LIMCH1: variants seen among roughly 807,000 people sequenced by gnomAD.
LIMCH1 encodes the protein LIM and calponin homology domains 1.
LIMCH1 carries 113 observed loss-of-function variants against 176.5 expected under a neutral mutation model. That is an observed-to-expected ratio of 0.64 (90% CI 0.55 to 0.75). LIMCH1 has a LOEUF of 0.75. Ranked by LOEUF, LIMCH1 falls within the 30% of genes least tolerant of loss-of-function variation. LIMCH1 has a pLI of 0.00. For missense variants in LIMCH1, 1,674 were observed against 1,814.9 expected (o/e 0.92, Z 1.41); for synonymous variants, 619 against 645.9 (o/e 0.96, Z 0.63).
At chr4:41,666,745 A>T in intron 21 of LIMCH1, 79 bp downstream of exon 21, 2 of 942,536 alleles carry the variant, frequency 2.1e-6, no homozygotes, top group Non-Finnish European at 3.4e-6. Flanking sequence ...TTAAAGGAAG[A>T]TTACGTCCTT....
rs116817047 is a variant in LIMCH1, at chr4:41,427,372, A to C, written c.96+66436A>C. Among the ~76,000 whole-genome samples the C allele has an allele frequency of 5.8e-3, 877 of 152,262 alleles. 11 individuals carry two copies. The highest frequency in any genetic ancestry group is 0.02 in the African/African-American group (826 of 41,522). ...TAAAGCTTCCTTTGCCAAGCTCACA[A>C]ATGATGGATTTTTGTTTTCCTTCGG... On this transcript the variant is annotated intron_variant, in intron 1 of 26. Coordinates refer to the LIMCH1 transcript ENST00000313860.
At chr4:41,498,410 G>C (rs1388977620) in intron 2 of LIMCH1, among the ~76,000 whole-genome samples, 2 of 152,154 alleles carry the variant, frequency 1.3e-5, no homozygotes, top group Non-Finnish European at 2.9e-5. Context: ...GTATAAAATA[G>C]AGTGCCTGTG....
chr4:41,578,134 A>G (rs147389839), intron 1 of LIMCH1, among the ~76,000 whole-genome samples: 73 of 152,324 alleles, frequency 4.8e-4, no homozygotes, highest in African/African-American at 1.6e-3. Context: ...ATGACTGGGT[A>G]ATTTATAAGG....
At chr4:41,669,505 C>T (rs886747974) in intron 21 of LIMCH1, among the ~76,000 whole-genome samples, 2 of 152,176 alleles carry the variant, frequency 1.3e-5, no homozygotes, top group Non-Finnish European at 2.9e-5. Context: ...CACAGTGTCT[C>T]ATTCAGTAGG....
rs115444845 is a variant in LIMCH1, at chr4:41,671,224, G to A, written c.3398-330G>A. Among the ~76,000 whole-genome samples, 149 of 152,204 alleles carry A rather than the reference G, an allele frequency of 9.8e-4. 1 individual carries two copies. The highest frequency in any genetic ancestry group is 3.3e-3 in the African/African-American group (138 of 41,526). ...GCTCAGTCAAGCCACAATGCAAGGT[G>A]CACTAAGAATCAGTACTAATAGGAA... On this transcript the variant is annotated intron_variant, in intron 21 of 31. Coordinates refer to ENST00000503057, the MANE Select transcript of LIMCH1 (RefSeq NM_001330672.2).
intron 18 of LIMCH1, 126 bp downstream of exon 18, chr4:41,650,734 C>A: frequency 3.8e-6 from 3 of 788,652 alleles, no homozygotes; most frequent in Non-Finnish European, 6.0e-6. Context: ...TTTGCTAGGG[C>A]TGCTGTAAGT....
At chr4:41,518,319 G>A (rs2075793617) in intron 2 of LIMCH1, among the ~76,000 whole-genome samples, 1 of 152,122 alleles carries the variant, frequency 6.6e-6, no homozygotes, top group South Asian at 2.1e-4. Context: ...ACTACTATAT[G>A]GGCTGTTGGA....
intron 1 of LIMCH1, among the ~76,000 whole-genome samples, chr4:41,363,291 G>A (rs758106812): frequency 6.6e-6 from 1 of 152,156 alleles, no homozygotes; most frequent in Non-Finnish European, 1.5e-5. Flanking sequence ...GTGGGGGGGC[G>A]GATTGGGGAT....
At chr4:41,557,801 A>G (rs1220390872) in intron 1 of LIMCH1, among the ~76,000 whole-genome samples, 1 of 152,046 alleles carries the variant, frequency 6.6e-6, no homozygotes, top group Non-Finnish European at 1.5e-5. Context: ...TCTAAACTAC[A>G]CTCTAGTGAA....
intron 26 of LIMCH1, among the ~76,000 whole-genome samples, chr4:41,683,905 T>C (rs1369577148): frequency 6.6e-6 from 1 of 152,254 alleles, no homozygotes; most frequent in African/African-American, 2.4e-5. Flanking sequence ...TGCAATTTTT[T>C]GCATTTTTGC....
chr4:41,553,942 A>G (rs1252176333), intron 1 of LIMCH1, among the ~76,000 whole-genome samples: 3 of 152,212 alleles, frequency 2.0e-5, no homozygotes, highest in Non-Finnish European at 4.4e-5. Context: ...TGAATTCTCA[A>G]GCTCAGTAGT....
chr4:41,400,879 TA>T (rs1561248745), intron 1 of LIMCH1, among the ~76,000 whole-genome samples: 1 of 152,278 alleles, frequency 6.6e-6, no homozygotes, highest in South Asian at 2.1e-4. Flanking sequence ...TTTGTTTTAT[TA>T]AAAAAGACCT....
At chr4:41,645,346 G>C (rs1467386094) in intron 15 of LIMCH1, among the ~76,000 whole-genome samples, 1 of 152,184 alleles carries the variant, frequency 6.6e-6, no homozygotes, top group East Asian at 1.9e-4. Context: ...ATAAAATATA[G>C]TAACAATTAT....
chr4:41,600,489 C>T (rs1342478939), intron 2 of LIMCH1, among the ~76,000 whole-genome samples: 1 of 152,110 alleles, frequency 6.6e-6, no homozygotes, highest in Non-Finnish European at 1.5e-5. Flanking sequence ...TCTGCAGCTG[C>T]ATTCATTTTT....
chr4:41,690,606 TG>T (rs1240020394), intron 30 of LIMCH1, among the ~76,000 whole-genome samples: 1 of 152,216 alleles, frequency 6.6e-6, no homozygotes, highest in Non-Finnish European at 1.5e-5. Flanking sequence ...TTTTATTTCT[TG>T]TTGGTAGTTT....
At chr4:41,666,715 G>A (rs755505491) in intron 21 of LIMCH1, 49 bp downstream of exon 21, 2 of 1,181,010 alleles carry the variant, frequency 1.7e-6, no homozygotes, top group South Asian at 1.2e-5. Context: ...GGGCCCATCT[G>A]TAGTAAACTA....
intron 2 of LIMCH1, among the ~76,000 whole-genome samples, chr4:41,511,342 A>G (rs1583318228): frequency 6.6e-6 from 1 of 152,044 alleles, no homozygotes; most frequent in Non-Finnish European, 1.5e-5. Flanking sequence ...CGCAATGGGC[A>G]CCTTTCCCTC....
At chr4:41,537,106 G>A (rs1400673024), upstream of LIMCH1, among the ~76,000 whole-genome samples, 11 of 152,168 alleles carry the variant, frequency 7.2e-5, no homozygotes, top group African/African-American at 2.2e-4. Context: ...CTATGAAATA[G>A]GTAAGGAAAT....
chr4:41,412,531 G>T (rs765141353), intron 1 of LIMCH1, among the ~76,000 whole-genome samples: 16 of 152,074 alleles, frequency 1.1e-4, no homozygotes, highest in Non-Finnish European at 1.9e-4. Context: ...ATTTAGGGCA[G>T]TATTTAAAAA....
Sources: allele counts gnomAD v4.1 joint callset (sites outside exome capture counted in the v4.1 genomes callset), GRCh38; gene constraint gnomAD v4.1.1; transcripts MANE v1.5; gene names NCBI Gene and HGNC (gene_info 2026-07-23, HGNC 2026-07-21).